Variants in LCT observed in about 807,000 individuals in gnomAD.
LCT encodes the protein lactase.
LCT carries 90 observed loss-of-function variants against 173.0 expected under a neutral mutation model. That is an observed-to-expected ratio of 0.52 (90% CI 0.44 to 0.62). LCT has a LOEUF of 0.62. Ranked by LOEUF, LCT falls within the 20% of genes least tolerant of loss-of-function variation. The pLI, the probability that LCT is intolerant of heterozygous loss-of-function variation, is 0.00. For missense variants in LCT, 1,864 were observed against 2,431.4 expected, an observed-to-expected ratio of 0.77 and a Z score of 4.91; for synonymous variants, 853 against 957.6, an observed-to-expected ratio of 0.89 and a Z score of 2.02.
intron 8 of LCT, among the ~76,000 whole-genome samples, chr2:135,807,781 C>T (rs750658481): frequency 1.3e-5 from 2 of 150,200 alleles, no homozygotes; most frequent in Non-Finnish European, 2.9e-5. Context: ...TGCACTCCAG[C>T]CTGGGCAACA....
At chr2:135,811,412 A>G (rs1454402852) in intron 7 of LCT, among the ~76,000 whole-genome samples, 2 of 152,302 alleles carry the variant, frequency 1.3e-5, no homozygotes, top group East Asian at 3.9e-4. Context: ...GACCTGTGAG[A>G]TGAAATCTAT....
intron 6 of LCT, among the ~76,000 whole-genome samples, chr2:135,815,448 G>C (rs1347514078): frequency 1.3e-5 from 2 of 152,150 alleles, no homozygotes; most frequent in Non-Finnish European, 2.9e-5. Context: ...GGCTCCATAT[G>C]TGCAGTCACT....
At chr2:135,827,984 T>C (rs1473523360) in intron 3 of LCT, among the ~76,000 whole-genome samples, 3 of 152,208 alleles carry the variant, frequency 2.0e-5, no homozygotes, top group Non-Finnish European at 4.4e-5. Context: ...GGAGGGTCCA[T>C]GTAGCTGAAG....
chr2:135,812,692 G>A lies in LCT; in HGVS notation c.1972C>T (p.His658Tyr). ...AACTCGGGGAGTTGAGCCACAGGATGGGAGCACTGTCTGTTCATCTGTTGG... is the reference window on the plus strand; with the variant it reads ...AACTCGGGGAGTTGAGCCACAGGATAGGAGCACTGTCTGTTCATCTGTTGG... The part of the protein sequence containing the change: ...QIQQMNRQCS[H>Y]PVAQLPEFTE... Residue 658 changes from histidine (H) to tyrosine (Y), a missense_variant, in exon 7 of 17, where the codon CAT becomes TAT. His to Tyr is a moderately conservative substitution (Grantham distance 83). Coordinates refer to ENST00000264162, the MANE Select transcript of LCT (RefSeq NM_002299.4). 6.2e-7 allele frequency: 1 copy of A among 1,614,152 alleles called. No individual in the cohort carries two copies. The highest frequency in any genetic ancestry group is 8.5e-7 in the Non-Finnish European group (1 of 1,180,014).
chr2:135,828,875 A>G (rs1003082015), intron 3 of LCT, among the ~76,000 whole-genome samples: 1 of 152,168 alleles, frequency 6.6e-6, no homozygotes, highest in Admixed American at 6.5e-5. Flanking sequence ...TTTTTTAAAA[A>G]TGTGGTAAAA....
chr2:135,821,837 C>A (rs1223445495), intron 5 of LCT, 183 bp downstream of exon 5: 1 of 599,132 alleles, frequency 1.7e-6, no homozygotes, highest in Non-Finnish European at 3.0e-6. Flanking sequence ...CCTCGTGAGT[C>A]CCACTCAGTA....
At position 135,828,821 on chromosome 2, in the gene LCT, A is replaced by G. The variant is rs542381920; in HGVS notation, c.804+772T>C. 1.6e-4 allele frequency among the ~76,000 whole-genome samples: 25 copies of G among 152,292 alleles called. 1 individual carries two copies. Among genetic ancestry groups the G allele is most frequent in the Middle Eastern group, 3.4e-3 (1 of 294 alleles). On this transcript the variant is annotated intron_variant, in intron 3 of 16. Transcript: ENST00000264162. Reference sequence around the variant, plus strand: ...GTACTGAGCTTACTGGAAGGTCCAGACAGCTGGGATCTGATTTAGTAGACC... The same window carrying G: ...GTACTGAGCTTACTGGAAGGTCCAGGCAGCTGGGATCTGATTTAGTAGACC...
intron 5 of LCT, among the ~76,000 whole-genome samples, chr2:135,819,188 T>C (rs185795387): frequency 2.5e-4 from 38 of 152,356 alleles, no homozygotes; most frequent in African/African-American, 8.7e-4. Flanking sequence ...TACATATGTA[T>C]ATGCATATGA....
At chr2:135,816,271 C>A (rs1347630143) in intron 6 of LCT, among the ~76,000 whole-genome samples, 1 of 152,162 alleles carries the variant, frequency 6.6e-6, no homozygotes, top group Admixed American at 6.5e-5. Flanking sequence ...TCTCAGTGAG[C>A]GTATTGAGGA....
intron 14 of LCT, among the ~76,000 whole-genome samples, chr2:135,793,796 C>T (rs551584119): frequency 6.6e-6 from 1 of 152,160 alleles, no homozygotes; most frequent in East Asian, 1.9e-4. Context: ...CGGCTGGGCG[C>T]AGTGGCTCAC....
chr2:135,801,165 G>A (rs1053061471), intron 11 of LCT, among the ~76,000 whole-genome samples: 2 of 152,132 alleles, frequency 1.3e-5, no homozygotes, highest in African/African-American at 2.4e-5. Context: ...TGGCTCGTAC[G>A]TCTCAGGCAA....
rs145268216 is a variant in LCT at position 135,789,597 on chromosome 2, C to T, written c.5537G>A (p.Gly1846Glu). 2.5e-6 allele frequency: 4 copies of T among 1,613,780 alleles called. No homozygotes were observed. In the African/African-American group the frequency reaches 4.0e-5, roughly 16 times the overall value. Residue 1846 changes from glycine (G) to glutamate (E), a missense_variant, in exon 16 of 17, where the codon GGG becomes GAG. Physicochemically the swap from Gly to Glu is moderately conservative, Grantham distance 98. Around this residue, in one of 4 missense-constraint regions of LCT, gnomAD observed 514 missense variants for 750.1 expected, o/e 0.69. Transcript: ENST00000264162. ...RCNGFPDPAT[G>E]PHACLHQPDA... ...TGGCTGGTGGAGACAAGCGTGAGGC[C>T]CTGTAGCGGGGTCAGGGAAGCCATT...
chr2:135,827,570 AG>A (rs906371024), intron 3 of LCT, among the ~76,000 whole-genome samples: 3 of 151,434 alleles, frequency 2.0e-5, no homozygotes, highest in African/African-American at 7.3e-5. Context: ...TGGGGGAGGT[AG>A]GGGGGATGAT....
intron 12 of LCT, among the ~76,000 whole-genome samples, chr2:135,799,771 C>T (rs1399629428): frequency 6.6e-6 from 1 of 152,166 alleles, no homozygotes; most frequent in Non-Finnish European, 1.5e-5. Context: ...AATGTCTCTA[C>T]TTCCTTGGGT....
intron 14 of LCT, among the ~76,000 whole-genome samples, chr2:135,793,193 A>G (rs768540949): frequency 6.6e-6 from 1 of 152,206 alleles, no homozygotes; most frequent in Non-Finnish European, 1.5e-5. Context: ...AGAAAACTAC[A>G]ACCAAGGACC....
intron 13 of LCT, among the ~76,000 whole-genome samples, chr2:135,795,130 A>G (rs947134001): frequency 1.5e-4 from 23 of 152,162 alleles, no homozygotes; most frequent in Admixed American, 1.2e-3. Flanking sequence ...TTTAGCATCT[A>G]TGACAGATTT....
At position 135,788,275 on chromosome 2, in the gene LCT, A is replaced by G; in HGVS notation, c.*49T>C. 1.5e-6 allele frequency: 2 copies of G among 1,378,606 alleles called. No individual in the cohort carries two copies. Among genetic ancestry groups the G allele is most frequent in the Non-Finnish European group, 2.1e-6 (2 of 972,706 alleles). 85.4% of individuals were successfully genotyped at this position (1,378,606 alleles called of 1,614,324 possible). A position where few individuals can be genotyped will look rare whatever the true frequency, so the allele number is the denominator to read the frequency against. On this transcript the variant is annotated 3_prime_UTR_variant, in exon 17 of 17. Coordinates refer to ENST00000264162, the MANE Select transcript of LCT (RefSeq NM_002299.4). ...CTAAGGTGTTTGGTGGCCGGTAAACATAGATGAAGAAACTAGGCCTGCTTC... is the reference window on the plus strand; with the variant it reads ...CTAAGGTGTTTGGTGGCCGGTAAACGTAGATGAAGAAACTAGGCCTGCTTC...
At chr2:135,818,154 A>G in intron 5 of LCT, 93 bp from the exon 6 acceptor site, 1 of 1,477,960 alleles carries the variant, frequency 6.8e-7, no homozygotes, top group Non-Finnish European at 9.4e-7. Context: ...TTTAATCAGA[A>G]AAGATTCCAG....
intron 3 of LCT, among the ~76,000 whole-genome samples, chr2:135,826,424 G>T (rs1259274747): frequency 2.0e-5 from 3 of 148,910 alleles, no homozygotes; most frequent in African/African-American, 7.5e-5. Flanking sequence ...AAAAAAGCTA[G>T]GCATGGTGGC....
Sources: gnomAD v4.1 joint callset for allele counts (sites outside exome capture counted in the v4.1 genomes callset) on GRCh38, gnomAD v4.1.1 for gene constraint, gnomAD v4.1.1 regional missense constraint, MANE v1.5 for transcripts, NCBI Gene and HGNC (gene_info 2026-07-23, HGNC 2026-07-21) for gene names.